Variants in ZNF804A observed in about 807,000 individuals in gnomAD.
The protein encoded by ZNF804A is zinc finger protein 804A.
In ZNF804A, 2 loss-of-function variants were observed where a neutral mutation model predicts 16.5. The observed-to-expected ratio is 0.12, with a 90% confidence interval of 0.05 to 0.38. The LOEUF is 0.38. ZNF804A is among the 10% of genes least tolerant of loss of function. The pLI is 0.99. For synonymous variants in ZNF804A, 534 were observed against 489.6 expected (o/e 1.09, Z -1.20); for missense variants, 1,473 against 1,390.7 (o/e 1.06, Z -0.94).
At chr2:184,878,708 T>G (rs1005166598) in intron 2 of ZNF804A, among the ~76,000 whole-genome samples, 3 of 152,054 alleles carry the variant, frequency 2.0e-5, no homozygotes, top group Admixed American at 1.3e-4. Context: ...GTAATTTATT[T>G]AAAAAATAAG....
intron 1 of ZNF804A, among the ~76,000 whole-genome samples, chr2:184,790,889 C>A (rs548755036): frequency 6.6e-6 from 1 of 152,332 alleles, no homozygotes; most frequent in East Asian, 1.9e-4. Context: ...AGGCGTGAGC[C>A]ACTGCGCCCC....
intron 1 of ZNF804A, among the ~76,000 whole-genome samples, chr2:184,779,825 C>A (rs1374249083): frequency 6.6e-6 from 1 of 151,628 alleles, no homozygotes; most frequent in Non-Finnish European, 1.5e-5. Flanking sequence ...CTTCTGACCT[C>A]TAGAGATGTC....
At chr2:184,707,906 C>A (rs1232122736) in intron 1 of ZNF804A, among the ~76,000 whole-genome samples, 1 of 152,112 alleles carries the variant, frequency 6.6e-6, no homozygotes, top group East Asian at 1.9e-4. Context: ...TTCCTACCTA[C>A]AGTGTATAAG....
chr2:184,864,975 C>T (rs769386191), intron 1 of ZNF804A, among the ~76,000 whole-genome samples: 4 of 150,094 alleles, frequency 2.7e-5, no homozygotes, highest in African/African-American at 4.9e-5. Flanking sequence ...CTGCCTCCCA[C>T]GTTCAAGCAA....
intron 1 of ZNF804A, among the ~76,000 whole-genome samples, chr2:184,818,086 A>C (rs530442859): frequency 6.9e-4 from 105 of 152,072 alleles, no homozygotes; most frequent in African/African-American, 2.2e-3. Flanking sequence ...TAAGAAGATC[A>C]ACCCCAAGAC....
At position 184,764,038 on chromosome 2, in the gene ZNF804A, GTCTC is replaced by G. The variant is rs1277013840; in HGVS notation, c.112-102329_112-102326del. Among the ~76,000 whole-genome samples, 3 of 151,972 alleles carry G rather than the reference GTCTC, an allele frequency of 2.0e-5. No individual in the cohort carries two copies. The East Asian group carries it at 5.8e-4, about 29-fold the overall frequency. ...AAGGACTTATTATTCACTACTTTGA[GTCTC>G]TATTCCTAAAACACATATTCAGTTT... On this transcript the variant is annotated intron_variant, in intron 1 of 3. Coordinates refer to ENST00000302277, the MANE Select transcript of ZNF804A (RefSeq NM_194250.2).
intron 1 of ZNF804A, among the ~76,000 whole-genome samples, chr2:184,627,203 G>A (rs922502451): frequency 6.6e-6 from 1 of 151,764 alleles, no homozygotes; most frequent in African/African-American, 2.4e-5. Context: ...TGTCAACTCT[G>A]ATCATTAAGA....
intron 1 of ZNF804A, among the ~76,000 whole-genome samples, chr2:184,855,950 C>G (rs151227872): frequency 1.8e-4 from 27 of 152,124 alleles, no homozygotes; most frequent in African/African-American, 6.3e-4. Context: ...AAACAAATGA[C>G]TATCAAATAA....
chr2:184,917,017 G>T (rs1016126999), intron 2 of ZNF804A, among the ~76,000 whole-genome samples: 2 of 152,042 alleles, frequency 1.3e-5, no homozygotes, highest in African/African-American at 4.8e-5. Flanking sequence ...TATTATGGAG[G>T]GTAATCTACT....
intron 1 of ZNF804A, among the ~76,000 whole-genome samples, chr2:184,637,875 T>A (rs1201781713): frequency 1.3e-5 from 2 of 152,130 alleles, no homozygotes; most frequent in African/African-American, 4.8e-5. Context: ...ACACAAAAAA[T>A]TGAGAAACTC....
At chr2:184,800,205 T>C (rs1694702621) in intron 1 of ZNF804A, among the ~76,000 whole-genome samples, 1 of 152,050 alleles carries the variant, frequency 6.6e-6, no homozygotes, top group South Asian at 2.1e-4. Context: ...AATTTATGAA[T>C]TTTCTTACTC....
intron 1 of ZNF804A, among the ~76,000 whole-genome samples, chr2:184,601,686 C>A (rs1691049053): frequency 6.6e-6 from 1 of 151,786 alleles, no homozygotes; most frequent in Non-Finnish European, 1.5e-5. Flanking sequence ...TAAAAATCAT[C>A]ACATTTTTGT....
intron 1 of ZNF804A, among the ~76,000 whole-genome samples, chr2:184,778,336 A>AT (rs1029116935): frequency 6.6e-6 from 1 of 151,480 alleles, no homozygotes; most frequent in African/African-American, 2.4e-5. Flanking sequence ...AAAGATGATA[A>AT]TTTTTTCCCC....
At chr2:184,685,239 G>T (rs1417448973) in intron 1 of ZNF804A, among the ~76,000 whole-genome samples, 1 of 152,108 alleles carries the variant, frequency 6.6e-6, no homozygotes, top group South Asian at 2.1e-4. Flanking sequence ...TCTGCTGCAG[G>T]CCCCCATGTC....
chr2:184,927,281 A>G (rs1574274147), intron 2 of ZNF804A, among the ~76,000 whole-genome samples: 1 of 152,222 alleles, frequency 6.6e-6, no homozygotes, highest in Admixed American at 6.5e-5. Flanking sequence ...GACAAGATCC[A>G]AAAGAATTAT....
At chr2:184,864,233 G>A (rs1360364362) in intron 1 of ZNF804A, among the ~76,000 whole-genome samples, 3 of 152,116 alleles carry the variant, frequency 2.0e-5, no homozygotes, top group Middle Eastern at 3.4e-3. Context: ...GAGATCACAC[G>A]GTACAAGAGG....
chr2:184,770,917 A>C (rs1694202145), intron 1 of ZNF804A, among the ~76,000 whole-genome samples: 1 of 152,076 alleles, frequency 6.6e-6, no homozygotes, highest in Non-Finnish European at 1.5e-5. Context: ...CAATTGAAAT[A>C]TGTGTGTGTT....
At chr2:184,729,618 CA>C (rs1022428572) in intron 1 of ZNF804A, among the ~76,000 whole-genome samples, 1 of 151,814 alleles carries the variant, frequency 6.6e-6, no homozygotes, top group Non-Finnish European at 1.5e-5. Context: ...GCAAAGTGAA[CA>C]AAAAAATAGA....
intron 1 of ZNF804A, among the ~76,000 whole-genome samples, chr2:184,610,656 T>C (rs1691221853): frequency 6.6e-6 from 1 of 152,118 alleles, no homozygotes; most frequent in Non-Finnish European, 1.5e-5. Context: ...TTGTGTTACC[T>C]CCTTCAAAAG....
Sources: allele counts gnomAD v4.1 joint callset (sites outside exome capture counted in the v4.1 genomes callset), GRCh38; gene constraint gnomAD v4.1.1; transcripts MANE v1.5; gene names NCBI Gene and HGNC (gene_info 2026-07-23, HGNC 2026-07-21).